Variants in ZEB1 observed in about 807,000 individuals in gnomAD.
The protein encoded by ZEB1 is zinc finger E-box binding homeobox 1.
Under a neutral mutation model 84.9 loss-of-function variants are expected in ZEB1, and 21 were observed. That is an observed-to-expected ratio of 0.25 (90% CI 0.18 to 0.36). The LOEUF (loss-of-function observed/expected upper bound fraction) is 0.36. Among genes scored for constraint, ZEB1 ranks in the 10% least tolerant of loss-of-function variants. The probability of loss-of-function intolerance (pLI) is 1.00; values close to 1 mark genes in which losing one functional copy is unlikely to be tolerated. For missense variants in ZEB1, 1,104 were observed against 1,330.2 expected (o/e 0.83, Z 2.65); for synonymous variants, 420 against 471.1 (o/e 0.89, Z 1.41).
At chr10:31,478,573 C>G (rs536011839) in intron 2 of ZEB1, among the ~76,000 whole-genome samples, 1 of 152,064 alleles carries the variant, frequency 6.6e-6, no homozygotes, top group African/African-American at 2.4e-5. Flanking sequence ...CAGAACTACT[C>G]ACAATAGCAG....
At chr10:31,370,586 A>T (rs115126434) in intron 1 of ZEB1, among the ~76,000 whole-genome samples, 1 of 152,226 alleles carries the variant, frequency 6.6e-6, no homozygotes, top group Non-Finnish European at 1.5e-5. Context: ...TAAGTTAATC[A>T]TACAACTTTC....
At position 31,484,903 on chromosome 10, in the gene ZEB1, T is replaced by C. The variant is rs148384075; in HGVS notation, c.260-10873T>C. The stretch of plus-strand genomic sequence containing the variant: ...GTAATTAGGTTATCATGTAATCCAA[T>C]GACATACATCTCTGTTGCAGCACTT... On this transcript the variant is annotated intron_variant, in intron 2 of 8. Coordinates refer to ENST00000424869, the MANE Select transcript of ZEB1 (RefSeq NM_001174096.2). Among the ~76,000 whole-genome samples, 1,184 of 152,074 alleles carry C rather than the reference T, an allele frequency of 7.8e-3. 9 individuals carry two copies. The highest frequency in any genetic ancestry group is 0.026 in the African/African-American group (1,099 of 41,522).
intron 2 of ZEB1, among the ~76,000 whole-genome samples, chr10:31,467,693 G>A (rs34679520): frequency 0.014 from 2,204 of 152,296 alleles, 26 homozygotes; most frequent in Non-Finnish European, 0.017. Context: ...CCAGGAATAT[G>A]GGGATGAGAT....
At chr10:31,436,805 CTTCAT>C (rs2058341093) in intron 1 of ZEB1, among the ~76,000 whole-genome samples, 8 of 152,142 alleles carry the variant, frequency 5.3e-5, no homozygotes, top group Admixed American at 5.2e-4. Context: ...CTATTTCCCA[CTTCAT>C]TTTTATATAT....
chr10:31,466,052 G>A (rs1045546487), intron 2 of ZEB1, among the ~76,000 whole-genome samples: 1 of 152,142 alleles, frequency 6.6e-6, no homozygotes, highest in Non-Finnish European at 1.5e-5. Context: ...ATTGTATAAT[G>A]ATAAAGAGGT....
At chr10:31,467,087 C>T (rs1367456961) in intron 2 of ZEB1, among the ~76,000 whole-genome samples, 2 of 152,120 alleles carry the variant, frequency 1.3e-5, no homozygotes, top group African/African-American at 4.8e-5. Flanking sequence ...ACACTGCTGG[C>T]TCAGTATTGC....
At chr10:31,463,746 C>T (rs200749194) in intron 2 of ZEB1, among the ~76,000 whole-genome samples, 1 of 151,988 alleles carries the variant, frequency 6.6e-6, no homozygotes, top group East Asian at 1.9e-4. Context: ...TGAAAAATCT[C>T]AAGCCATATT....
chr10:31,518,515 T>C (rs1156863367), intron 6 of ZEB1, among the ~76,000 whole-genome samples: 1 of 152,142 alleles, frequency 6.6e-6, no homozygotes, highest in African/African-American at 2.4e-5. Context: ...AGAATTGCCT[T>C]TTTAAAAAGT....
chr10:31,433,032 T>TTACTA (rs10635074), intron 1 of ZEB1, among the ~76,000 whole-genome samples: 16,935 of 152,100 alleles, frequency 0.11, 1,734 homozygotes, highest in African/African-American at 0.28. Context: ...TATTCTTTGA[T>TTACTA]TACCAAAACT....
chr10:31,397,299 T>C (rs1204776432), intron 1 of ZEB1, among the ~76,000 whole-genome samples: 1 of 151,646 alleles, frequency 6.6e-6, no homozygotes, highest in East Asian at 1.9e-4. Flanking sequence ...TACTTTCCCT[T>C]TATTTCACTA....
intron 1 of ZEB1, among the ~76,000 whole-genome samples, chr10:31,337,314 T>C (rs2133443263): frequency 6.6e-6 from 1 of 152,244 alleles, no homozygotes; most frequent in African/African-American, 2.4e-5. Context: ...AATGAGTGAA[T>C]TTGGACACAG....
At chr10:31,447,017 T>TA (rs1279933697) in intron 1 of ZEB1, among the ~76,000 whole-genome samples, 1 of 151,000 alleles carries the variant, frequency 6.6e-6, no homozygotes, top group African/African-American at 2.4e-5. Context: ...AGTGGGGTGT[T>TA]AAAGTCTCCC....
intron 1 of ZEB1, among the ~76,000 whole-genome samples, chr10:31,434,231 C>A (rs115163642): frequency 3.4e-4 from 52 of 152,174 alleles, no homozygotes; most frequent in African/African-American, 1.2e-3. Context: ...CATCTGTGCC[C>A]CCACTATAAA....
chr10:31,499,651 G>T (rs1355106803), intron 3 of ZEB1, among the ~76,000 whole-genome samples: 1 of 152,076 alleles, frequency 6.6e-6, no homozygotes, highest in Non-Finnish European at 1.5e-5. Flanking sequence ...TGTAATCCCA[G>T]CTACTCGGGA....
rs1041006699 is a variant in ZEB1, at chr10:31,452,391, A to G, written c.59-8646A>G. On this transcript the variant is annotated intron_variant, in intron 1 of 8. Transcript: ENST00000424869. ...AGTTCGGTCAAAAGTCAGATTAACAAAAATTTACAGTAAATGCTTAGTATT... is the reference window on the plus strand; with the variant it reads ...AGTTCGGTCAAAAGTCAGATTAACAGAAATTTACAGTAAATGCTTAGTATT... 8.5e-5 allele frequency among the ~76,000 whole-genome samples: 13 copies of G among 152,272 alleles called. No homozygotes were observed. In the East Asian group the frequency reaches 2.1e-3, roughly 25 times the overall value.
At chr10:31,363,179 C>T (rs1181560657) in intron 1 of ZEB1, 3 of 1,534,018 alleles carry the variant, frequency 2.0e-6, no homozygotes, top group Admixed American at 3.9e-5. Flanking sequence ...ATCAGCAAGC[C>T]TGGAGAGCTG....
At chr10:31,363,604 G>A (rs2370490) in intron 1 of ZEB1, 144 of 1,516,484 alleles carry the variant, frequency 9.5e-5, no homozygotes, top group African/African-American at 1.5e-4. Flanking sequence ...GCTCACCTCC[G>A]TCTTCGGGAG....
chr10:31,511,094 AT>A (rs980207712), intron 5 of ZEB1, among the ~76,000 whole-genome samples: 5 of 152,210 alleles, frequency 3.3e-5, no homozygotes, highest in Non-Finnish European at 7.3e-5. Context: ...GTAACTCAGT[AT>A]TTTGTTCAGG....
At chr10:31,361,335 G>A in intron 1 of ZEB1, 1 of 932,204 alleles carries the variant, frequency 1.1e-6, no homozygotes, top group Non-Finnish European at 1.7e-6. Flanking sequence ...TGGGACTACA[G>A]GCACAAGCCA....
Sources: gnomAD v4.1 joint callset for allele counts (sites outside exome capture counted in the v4.1 genomes callset) on GRCh38, gnomAD v4.1.1 for gene constraint, MANE v1.5 for transcripts, NCBI Gene and HGNC (gene_info 2026-07-23, HGNC 2026-07-21) for gene names.